The following SUPT3H variants were observed in gnomAD, a reference collection of about 807,000 sequenced individuals.
The protein encoded by SUPT3H is transcription initiation protein SPT3 homolog.
SUPT3H carries 44 observed loss-of-function variants against 44.3 expected under a neutral mutation model. That is an observed-to-expected ratio of 0.99 (90% confidence interval 0.78 to 1.28). The LOEUF (loss-of-function observed/expected upper bound fraction) is 1.28, where lower values mean the gene tolerates loss of function less well. Among genes scored for constraint, SUPT3H ranks in the 50% most tolerant of loss-of-function variants. The pLI is 0.00. For missense variants in SUPT3H, 380 were observed against 387.1 expected (o/e 0.98, Z 0.15); for synonymous variants, 124 against 125.6 (o/e 0.99, Z 0.09).
intron 6 of SUPT3H, among the ~76,000 whole-genome samples, chr6:44,973,607 T>C (rs1777904528): frequency 6.6e-6 from 1 of 152,186 alleles, no homozygotes; most frequent in African/African-American, 2.4e-5. Flanking sequence ...TTCCACATTT[T>C]CAGGTATTTT....
chr6:45,336,311 T>G (rs780061348), intron 2 of SUPT3H, among the ~76,000 whole-genome samples: 2 of 151,402 alleles, frequency 1.3e-5, no homozygotes, highest in Non-Finnish European at 3.0e-5. Flanking sequence ...ACAATATCCC[T>G]CCCTTATAAC....
intron 2 of SUPT3H, among the ~76,000 whole-genome samples, chr6:45,284,997 G>A (rs148222688): frequency 0.18 from 27,465 of 151,848 alleles, 3,859 homozygotes; most frequent in African/African-American, 0.39. Context: ...AAAACCACAC[G>A]ATTATCTCAA....
At chr6:45,373,219 C>G (rs1796332261) in intron 1 of SUPT3H, among the ~76,000 whole-genome samples, 1 of 152,116 alleles carries the variant, frequency 6.6e-6, no homozygotes, top group Non-Finnish European at 1.5e-5. Context: ...GCTGGTATTA[C>G]AGGCATGAAG....
At chr6:45,000,770 T>A (rs1781911016) in intron 6 of SUPT3H, among the ~76,000 whole-genome samples, 1 of 152,006 alleles carries the variant, frequency 6.6e-6, no homozygotes, top group Non-Finnish European at 1.5e-5. Context: ...AGATAAAAAG[T>A]CACTAGGGAT....
intron 11 of SUPT3H, among the ~76,000 whole-genome samples, chr6:44,816,543 G>A (rs1241252468): frequency 6.6e-6 from 1 of 150,622 alleles, no homozygotes; most frequent in Non-Finnish European, 1.5e-5. Context: ...AGCCTCCCTG[G>A]TGAATTCTAC....
chr6:45,238,326 T>A (rs1769596688), intron 2 of SUPT3H, among the ~76,000 whole-genome samples: 1 of 152,206 alleles, frequency 6.6e-6, no homozygotes, highest in Non-Finnish European at 1.5e-5. Flanking sequence ...GACAGTACAA[T>A]TGTGCCACAG....
At chr6:45,129,672 A>T (rs1583710514) in intron 2 of SUPT3H, among the ~76,000 whole-genome samples, 1 of 152,264 alleles carries the variant, frequency 6.6e-6, no homozygotes, top group Non-Finnish European at 1.5e-5. Context: ...TATTTTAATA[A>T]ATTTAAAAAT....
At chr6:45,320,229 T>C (rs1785270189) in intron 2 of SUPT3H, among the ~76,000 whole-genome samples, 1 of 152,074 alleles carries the variant, frequency 6.6e-6, no homozygotes, top group Admixed American at 6.5e-5. Context: ...GCCTGTTCTA[T>C]AAGAGGAGTG....
intron 2 of SUPT3H, among the ~76,000 whole-genome samples, chr6:45,258,173 C>G (rs1244491800): frequency 1.3e-5 from 2 of 152,124 alleles, no homozygotes; most frequent in Non-Finnish European, 2.9e-5. Flanking sequence ...GACACAACTC[C>G]AAGAAGAGTT....
At chr6:45,089,629 A>C (rs905790719) in intron 3 of SUPT3H, among the ~76,000 whole-genome samples, 3 of 151,504 alleles carry the variant, frequency 2.0e-5, no homozygotes, top group Non-Finnish European at 4.4e-5. Context: ...CTTTTATTTA[A>C]CCTTCCTGGC....
chr6:44,893,235 T>A lies in SUPT3H; in HGVS notation c.912+39418A>T, dbSNP rs557409166. On this transcript the variant is annotated intron_variant, in intron 10 of 10. Coordinates refer to ENST00000371459, the MANE Select transcript of SUPT3H (RefSeq NM_003599.4). The stretch of plus-strand genomic sequence containing the variant: ...AAAAATAATAAAAATGTATTTTTTT[T>A]AATTATTATACTTTAAGTTTTAGGG... 5.7e-4 allele frequency among the ~76,000 whole-genome samples: 87 copies of A among 152,298 alleles called. 1 individual carries two copies. Among genetic ancestry groups the A allele is most frequent in the Admixed American group, 1.6e-3 (25 of 15,298 alleles).
At chr6:45,215,450 A>G (rs1764880222) in intron 2 of SUPT3H, among the ~76,000 whole-genome samples, 1 of 152,188 alleles carries the variant, frequency 6.6e-6, no homozygotes, top group Non-Finnish European at 1.5e-5. Flanking sequence ...CCCAATCAAG[A>G]AAACAGTATG....
At chr6:45,127,935 A>C (rs1390278774) in intron 2 of SUPT3H, among the ~76,000 whole-genome samples, 1 of 152,140 alleles carries the variant, frequency 6.6e-6, no homozygotes, top group Non-Finnish European at 1.5e-5. Flanking sequence ...AATTTCTCCT[A>C]TTTTGTCAGC....
At chr6:44,886,776 T>C (rs1582227353) in intron 10 of SUPT3H, among the ~76,000 whole-genome samples, 2 of 152,024 alleles carry the variant, frequency 1.3e-5, no homozygotes, top group East Asian at 3.9e-4. Flanking sequence ...AATATTAACT[T>C]TAAATGTAAA....
chr6:44,979,718 G>T (rs1177555955), intron 6 of SUPT3H, among the ~76,000 whole-genome samples: 1 of 152,066 alleles, frequency 6.6e-6, no homozygotes, highest in African/African-American at 2.4e-5. Flanking sequence ...GACAAAAAAA[G>T]TTCGTTTTAC....
intron 10 of SUPT3H, among the ~76,000 whole-genome samples, chr6:44,855,324 G>T (rs1190623079): frequency 6.6e-6 from 1 of 152,092 alleles, no homozygotes; most frequent in Non-Finnish European, 1.5e-5. Flanking sequence ...CATCTCCCCA[G>T]CTTTATGGCC....
chr6:44,898,572 A>G (rs569721619), intron 10 of SUPT3H: 2 of 152,386 alleles, frequency 1.3e-5, no homozygotes, highest in African/African-American at 4.8e-5. Context: ...AAATCACCAT[A>G]TAAGTGGTTA....
intron 7 of SUPT3H, among the ~76,000 whole-genome samples, chr6:44,956,503 TAAAAAAAAAAAAG>T (rs2153475429): frequency 1.5e-4 from 1 of 6,476 alleles, no homozygotes; most frequent in African/African-American, 5.5e-4. Flanking sequence ...AAAATAAAAA[TAAAAAAAAAAAAG>T]TGTCTATTAC....
chr6:45,324,107 G>T (rs1310437589), intron 2 of SUPT3H, among the ~76,000 whole-genome samples: 2 of 151,792 alleles, frequency 1.3e-5, no homozygotes, highest in African/African-American at 4.8e-5. Context: ...GCAAGTTCTC[G>T]CCTTTTTTTA....
Sources: allele counts gnomAD v4.1 joint callset (sites outside exome capture counted in the v4.1 genomes callset), GRCh38; gene constraint gnomAD v4.1.1; transcripts MANE v1.5; gene names NCBI Gene and HGNC (gene_info 2026-07-23, HGNC 2026-07-21).